The following PPAN variants were observed in gnomAD, a reference collection of about 807,000 sequenced individuals.
The protein encoded by PPAN is peter pan homolog, also known as suppressor of SWI4 1 homolog.
A neutral mutation model predicts 48.5 loss-of-function variants in PPAN; 39 were observed. That is an observed-to-expected ratio of 0.80 (90% CI 0.62 to 1.05). PPAN has a LOEUF of 1.05. Ranked by LOEUF, PPAN falls within the 50% of genes least tolerant of loss-of-function variation. The probability of loss-of-function intolerance (pLI) is 0.00; values close to 1 mark genes in which losing one functional copy is unlikely to be tolerated. For synonymous variants in PPAN, 315 were observed against 268.6 expected, an observed-to-expected ratio of 1.17 and a Z score of -1.69; for missense variants, 736 against 661.7, an observed-to-expected ratio of 1.11 and a Z score of -1.23.
intron 2 of PPAN, 145 bp downstream of exon 2, chr19:10,106,816 C>T (rs1197809725): frequency 9.9e-6 from 13 of 1,311,298 alleles, no homozygotes; most frequent in South Asian, 1.5e-5. Flanking sequence ...TCATTTCTGC[C>T]TTTCAGGGCT....
In PPAN at chr19:10,111,512, A is replaced by G. The variant is rs1355153855; in HGVS notation, c.*347A>G. The G allele has an allele frequency of 3.1e-6, 2 of 646,794 alleles. No individual in the cohort carries two copies. Among genetic ancestry groups the G allele is most frequent in the African/African-American group, 3.6e-5 (2 of 55,070 alleles). 40.1% of individuals were successfully genotyped at this position (646,794 alleles called of 1,614,324 possible). A position where few individuals can be genotyped will look rare whatever the true frequency, so the allele number is the denominator to read the frequency against. On this transcript the variant is annotated 3_prime_UTR_variant, in exon 12 of 12. Coordinates refer to ENST00000253107, the MANE Select transcript of PPAN (RefSeq NM_020230.7). The stretch of plus-strand genomic sequence containing the variant: ...CCACCAAAGAGCCGTGCAAGCAGAC[A>G]GGTCACACTTTCAGCAGATGAGCTT...
Position 10,110,889 on chromosome 19 carries a change from G to C in PPAN, c.1201+23G>C, listed in dbSNP as rs1451251700. The C allele has an allele frequency of 1.2e-6, 2 of 1,613,218 alleles. No homozygotes were observed. The highest frequency in any genetic ancestry group is 2.7e-5 in the African/African-American group (2 of 74,818). ...AGGGTATGGAGTGGGGTCTGCAGCA[G>C]GGCACCCAGAGCCTGTCCTTGTCTC... On this transcript the variant is annotated intron_variant, in intron 11 of 11. Transcript: ENST00000253107. The surrounding 1 kb of genome is among the most constrained non-coding windows in gnomAD (Gnocchi z 5.9).
In PPAN at chr19:10,107,835, T is replaced by G. The variant is rs1275167199; in HGVS notation, c.323T>G (p.Leu108Trp). ...ATGCGCCTCCCAGGAGGCCCCACCT[T>G]GACCTTCCAGGTCAAGAAGGTGAGA... ...KLMRLPGGPT[L>W]TFQVKKYSLV... The change falls in exon 4 of 12, where the codon TTG becomes TGG. Residue 108 changes from leucine to tryptophan, a missense_variant. Leu to Trp is a moderately conservative substitution (Grantham distance 61). Transcript: ENST00000253107. 2.0e-5 allele frequency: 32 copies of G among 1,613,618 alleles called. No individual in the cohort carries two copies. The highest frequency in any genetic ancestry group is 2.3e-5 in the Non-Finnish European group (27 of 1,179,672).
chr19:10,108,338 G>A (rs1326085736), intron 5 of PPAN, among the ~76,000 whole-genome samples: 2 of 152,172 alleles, frequency 1.3e-5, no homozygotes, highest in Non-Finnish European at 2.9e-5. Context: ...CACACCCCGT[G>A]AGCTGCACCT....
intron 5 of PPAN, among the ~76,000 whole-genome samples, chr19:10,108,820 G>A (rs115254975): frequency 2.4e-4 from 36 of 151,812 alleles, no homozygotes; most frequent in African/African-American, 7.7e-4. Context: ...GGGCAGGACT[G>A]GATTTTTAAT....
rs140273376 is a variant in PPAN, at chr19:10,110,867, G to T, written c.1201+1G>T. ...GCGGTGGGCGAGGCGCCCAGTGAGG[G>T]TATGGAGTGGGGTCTGCAGCAGGGC... On this transcript the variant is annotated splice_donor_variant, in intron 11 of 11. Transcript: ENST00000253107. LOFTEE classifies it high-confidence loss of function. This position sits in a 1 kb window ranked among gnomAD's most constrained non-coding sequence, Gnocchi z 5.9. 7.0e-4 allele frequency: 1,136 copies of T among 1,613,408 alleles called. 13 individuals carry two copies. The highest frequency in any genetic ancestry group is 6.4e-3 in the South Asian group (587 of 91,054).
At position 10,110,952 on chromosome 19, in the gene PPAN, C is replaced by T. The variant is rs1015986517; in HGVS notation, c.1209C>T (p.Phe403=). 1 of 1,613,300 alleles carries T rather than the reference C, an allele frequency of 6.2e-7. No homozygotes were observed. Among genetic ancestry groups the T allele is most frequent in the East Asian group, 2.2e-5 (1 of 44,816 alleles). The change falls in exon 12 of 12, where the codon TTC becomes TTT. Residue 403 remains phenylalanine (F), a synonymous_variant. Coordinates refer to ENST00000253107, the MANE Select transcript of PPAN (RefSeq NM_020230.7). The surrounding 1 kb of genome is among the most constrained non-coding windows in gnomAD (Gnocchi z 5.9). ...CACTGTCTCTCCCCACAGACCTGTT[C>T]CCCGAGGCCAAGCAGAAACGGCTTG... ...AVGEAPSEDL[F]PEAKQKRLAK...
chr19:10,108,669 C>T (rs2088930362), intron 5 of PPAN, among the ~76,000 whole-genome samples: 2 of 151,332 alleles, frequency 1.3e-5, no homozygotes, highest in Non-Finnish European at 2.9e-5. Flanking sequence ...GGAGGATCAC[C>T]TGAGCCCAGG....
At chr19:10,107,768 C>T in intron 3 of PPAN, 36 bp from the exon 4 acceptor site, 3 of 1,613,844 alleles carry the variant, frequency 1.9e-6, no homozygotes, top group Admixed American at 1.7e-5. Flanking sequence ...CTCTGCTAGA[C>T]CCCTCCAGAG....
rs1041012162 is a variant in PPAN at position 10,107,374 on chromosome 19, C to T, written c.190-131C>T. 4 of 888,168 alleles carry T rather than the reference C, an allele frequency of 4.5e-6. No homozygotes were observed. In the Admixed American group the frequency reaches 8.2e-5, roughly 18 times the overall value. 55.0% of individuals were successfully genotyped at this position (888,168 alleles called of 1,614,324 possible). ...TCCGACTGACTCTAAAGGCTAAGAT[C>T]CTTTTGCTCCTCTGGGCTTGTTGAA... is the stretch of plus-strand genomic sequence containing the variant. On this transcript the variant is annotated intron_variant, in intron 2 of 11. Coordinates refer to ENST00000253107, the MANE Select transcript of PPAN (RefSeq NM_020230.7).
rs201894415 is a variant in PPAN, at chr19:10,110,585, G to A, written c.1002G>A (p.Gln334=). 16 of 1,603,304 alleles carry A rather than the reference G, an allele frequency of 1.0e-5. No individual in the cohort carries two copies. The African/African-American group carries it at 1.5e-4, about 15-fold the overall frequency. The change falls in exon 10 of 12, where the codon CAG becomes CAA. Residue 334 remains glutamine (Q), a synonymous_variant. Coordinates refer to ENST00000253107, the MANE Select transcript of PPAN (RefSeq NM_020230.7). This position sits in a 1 kb window ranked among gnomAD's most constrained non-coding sequence, Gnocchi z 5.9. The part of the protein sequence containing the change: ...QRQAQQAQNV[Q]RKQEQREAHR... ...AGGCCCAGCAGGCCCAGAATGTGCA[G>A]CGCAAGCAGGAGCAGCGGGAGGCCC...
Position 10,111,020 on chromosome 19 carries a change from G to A in PPAN, c.1277G>A (p.Arg426Gln), listed in dbSNP as rs867913672. The change falls in exon 12 of 12, where the codon CGA (arginine) becomes CAA (glutamine). Residue 426 changes from arginine to glutamine, a missense_variant. Arg to Gln is a conservative substitution (Grantham distance 43). Transcript: ENST00000253107. ...GRKRKRWEMD[R>Q]GRGRLCDQKF... is the part of the protein sequence containing the mutation. ...AAGCGGAAGCGGTGGGAAATGGATC[G>A]AGGCAGGGGTCGCCTTTGTGACCAG... 10 of 1,613,454 alleles carry A rather than the reference G, an allele frequency of 6.2e-6. No homozygotes were observed. The highest frequency in any genetic ancestry group is 1.6e-4 in the Middle Eastern group (1 of 6,084).
intron 5 of PPAN, 111 bp downstream of exon 5, chr19:10,108,245 G>C (rs2088908068): frequency 2.8e-6 from 4 of 1,451,040 alleles, no homozygotes; most frequent in Non-Finnish European, 3.7e-6. Context: ...GGGAGCTCCT[G>C]GGTCTGCTGA....
At position 10,110,876 on chromosome 19, in the gene PPAN, G is replaced by A; in HGVS notation, c.1201+10G>A. ...GAGGCGCCCAGTGAGGGTATGGAGT[G>A]GGGTCTGCAGCAGGGCACCCAGAGC... On this transcript the variant is annotated intron_variant, in intron 11 of 11. Coordinates refer to ENST00000253107, the MANE Select transcript of PPAN (RefSeq NM_020230.7). This position sits in a 1 kb window ranked among gnomAD's most constrained non-coding sequence, Gnocchi z 5.9. The A allele has an allele frequency of 1.2e-6, 2 of 1,613,610 alleles. No homozygotes were observed. The highest frequency in any genetic ancestry group is 1.7e-6 in the Non-Finnish European group (2 of 1,179,926).
chr19:10,111,644 G>A lies in PPAN; in HGVS notation c.*479G>A. On this transcript the variant is annotated 3_prime_UTR_variant, in exon 12 of 12. Coordinates refer to ENST00000253107, the MANE Select transcript of PPAN (RefSeq NM_020230.7). ...TAACTGGGGATGGGGCTGGGGCAGG[G>A]CCCACTAAGCCACTGGTGACTGGGG... 1 of 1,576,830 alleles carries A rather than the reference G, an allele frequency of 6.3e-7. No individual in the cohort carries two copies. The highest frequency in any genetic ancestry group is 1.7e-5 in the Admixed American group (1 of 59,714).
In PPAN at chr19:10,111,865, A is replaced by G. The variant is rs2089092087; in HGVS notation, c.*700A>G. The G allele has an allele frequency of 1.7e-6, 2 of 1,148,974 alleles. No homozygotes were observed. The highest frequency in any genetic ancestry group is 1.5e-5 in the African/African-American group (1 of 65,840). The allele number at this position is 1,148,974 out of a possible 1,614,324, so 71.2% of individuals were successfully genotyped here. On this transcript the variant is annotated 3_prime_UTR_variant, in exon 12 of 12. Coordinates refer to ENST00000253107, the MANE Select transcript of PPAN (RefSeq NM_020230.7). Reference sequence around the variant, plus strand: ...GGTGGCTCACGCCTGTAATCCCAGCACTTTGGGAGGTCGAGGGGGGTGGAA... The same window carrying G: ...GGTGGCTCACGCCTGTAATCCCAGCGCTTTGGGAGGTCGAGGGGGGTGGAA...
chr19:10,108,904 A>G lies in PPAN; in HGVS notation c.514-727A>G, dbSNP rs1312611326. Among the ~76,000 whole-genome samples, 5 of 151,782 alleles carry G rather than the reference A, an allele frequency of 3.3e-5. No individual in the cohort carries two copies. In the East Asian group the frequency reaches 7.8e-4, roughly 24 times the overall value. On this transcript the variant is annotated intron_variant, in intron 5 of 11. Coordinates refer to ENST00000253107, the MANE Select transcript of PPAN (RefSeq NM_020230.7). ...CTCAGATGGGACTTATAAATTATAT[A>G]TAAGATATCAGTCATCAGGGAGGCT...
Position 10,111,337 on chromosome 19 carries a change from A to G in PPAN, c.*172A>G, listed in dbSNP as rs1223955616. The G allele has an allele frequency of 4.7e-6, 4 of 859,936 alleles. No homozygotes were observed. Among genetic ancestry groups the G allele is most frequent in the South Asian group, 1.8e-5 (1 of 54,594 alleles). The allele number at this position is 859,936 out of a possible 1,614,324, so 53.3% of individuals were successfully genotyped here. On this transcript the variant is annotated 3_prime_UTR_variant, in exon 12 of 12. Transcript: ENST00000253107. ...GTTTGGGATGGGGGATTCTGGAGCC[A>G]TACAAAGCAACCCAGAGAGTCCTGG...
At position 10,111,627 on chromosome 19, in the gene PPAN, G is replaced by A; in HGVS notation, c.*462G>A. ...TCTGCTGGCTGGGCCAGTAACTGGG[G>A]ATGGGGCTGGGGCAGGGCCCACTAA... On this transcript the variant is annotated 3_prime_UTR_variant, in exon 12 of 12. Transcript: ENST00000253107. The A allele has an allele frequency of 1.3e-6, 2 of 1,519,364 alleles. No homozygotes were observed. The highest frequency in any genetic ancestry group is 3.4e-5 in the Admixed American group (2 of 59,122). 94.1% of individuals were successfully genotyped at this position (1,519,364 alleles called of 1,614,324 possible). A position where few individuals can be genotyped will look rare whatever the true frequency, so the allele number is the denominator to read the frequency against.
Sources: gnomAD v4.1 joint callset for allele counts (sites outside exome capture counted in the v4.1 genomes callset) on GRCh38, gnomAD v4.1.1 for gene constraint, Gnocchi (gnomAD v3.1) non-coding constraint, MANE v1.5 for transcripts, NCBI Gene and HGNC (gene_info 2026-07-23, HGNC 2026-07-21) for gene names.